The following NTAN1 variants were observed in gnomAD, a reference collection of about 807,000 sequenced individuals.
The protein encoded by NTAN1 is N-terminal asparagine amidase, also known as protein N-terminal asparagine amidohydrolase.
A neutral mutation model predicts 41.9 loss-of-function variants in NTAN1; 32 were observed. The ratio of observed to expected loss-of-function variants is 0.76; its 90% CI spans 0.58 to 1.03. NTAN1 has a LOEUF of 1.03. Among genes scored for constraint, NTAN1 ranks in the 50% least tolerant of loss-of-function variants. The pLI is 0.00. For synonymous variants in NTAN1, 140 were observed against 139.5 expected, an observed-to-expected ratio of 1.00 and a Z score of -0.03; for missense variants, 377 against 377.5, an observed-to-expected ratio of 1.00 and a Z score of 0.01.
chr16:15,055,140 C>A (rs1365769490), intron 1 of NTAN1, among the ~76,000 whole-genome samples: 1 of 152,154 alleles, frequency 6.6e-6, no homozygotes, highest in Non-Finnish European at 1.5e-5. Context: ...TCCCCTTTAA[C>A]AGGATCTATG....
intron 1 of NTAN1, among the ~76,000 whole-genome samples, chr16:15,049,414 T>G (rs1004540417): frequency 3.3e-5 from 5 of 151,420 alleles, no homozygotes; most frequent in African/African-American, 1.2e-4. Flanking sequence ...TGTTCATCCC[T>G]GTGTTATTTC....
intron 1 of NTAN1, among the ~76,000 whole-genome samples, chr16:15,050,321 C>G (rs1490840680): frequency 6.6e-6 from 1 of 152,194 alleles, no homozygotes; most frequent in Admixed American, 6.5e-5. Context: ...CCTCAAATGT[C>G]TAGACAACGT....
chr16:15,045,895 T>C (rs2044040408), intron 4 of NTAN1: 2 of 152,178 alleles, frequency 1.3e-5, no homozygotes, highest in Admixed American at 1.3e-4. Flanking sequence ...GTACCCAACA[T>C]AGGGCACAGC....
At chr16:15,044,750 G>A (rs1441922380) in intron 4 of NTAN1, 1 of 262,402 alleles carries the variant, frequency 3.8e-6, no homozygotes, top group Non-Finnish European at 7.3e-6. Flanking sequence ...TTGGGAGGCT[G>A]AGGTGGGCGG....
At chr16:15,042,190 T>C (rs2043847186) in intron 5 of NTAN1, among the ~76,000 whole-genome samples, 2 of 149,760 alleles carry the variant, frequency 1.3e-5, no homozygotes, top group Admixed American at 1.3e-4. Flanking sequence ...TATATCTTTT[T>C]TTTTTTTTTT....
At chr16:15,055,349 G>A (rs547876285) in intron 1 of NTAN1, among the ~76,000 whole-genome samples, 2 of 152,166 alleles carry the variant, frequency 1.3e-5, no homozygotes, top group East Asian at 1.9e-4. Flanking sequence ...TCTCTCTCCC[G>A]GCTAAAAATA....
At chr16:15,047,684 C>A in intron 3 of NTAN1, 134 bp from the exon 4 acceptor site, 2 of 895,496 alleles carry the variant, frequency 2.2e-6, no homozygotes, top group South Asian at 1.4e-5. Flanking sequence ...GGTCTGTGCT[C>A]CCCAGCCAAC....
chr16:15,046,385 AG>A (rs1475406399), intron 4 of NTAN1, among the ~76,000 whole-genome samples: 1 of 152,170 alleles, frequency 6.6e-6, no homozygotes, highest in Non-Finnish European at 1.5e-5. Context: ...GAGCAAGGAG[AG>A]GGGACAGGTG....
Position 15,055,390 on chromosome 16 carries a change from A to G in NTAN1, c.81+501T>C, listed in dbSNP as rs369324519. Among the ~76,000 whole-genome samples the G allele has an allele frequency of 2.5e-4, 38 of 152,210 alleles. No homozygotes were observed. In the East Asian group the frequency reaches 6.0e-3, roughly 24 times the overall value. ...GCGCCCTACGCCCCGGGGGTAGGGGAGAGAGAGGAGGAAGGACTGGGGGTC... is the reference window on the plus strand; with the variant it reads ...GCGCCCTACGCCCCGGGGGTAGGGGGGAGAGAGGAGGAAGGACTGGGGGTC... On this transcript the variant is annotated intron_variant, in intron 1 of 9. Coordinates refer to ENST00000287706, the MANE Select transcript of NTAN1 (RefSeq NM_173474.4).
chr16:15,044,277 A>C, intron 5 of NTAN1, 57 bp downstream of exon 5: 1 of 1,226,174 alleles, frequency 8.2e-7, no homozygotes, highest in Non-Finnish European at 1.2e-6. Context: ...TAACCCAAGC[A>C]AATATGGGTA....
At chr16:15,044,503 T>G in intron 4 of NTAN1, 96 bp from the exon 5 acceptor site, 2 of 822,856 alleles carry the variant, frequency 2.4e-6, no homozygotes, top group Admixed American at 3.7e-5. Flanking sequence ...CCATGAACAC[T>G]TGCTCTACAG....
Position 15,056,012 on chromosome 16 carries a change from C to A in NTAN1, c.-41G>T, listed in dbSNP as rs889542588. ...CCAGGCAGGCCCAGGGAGGCGGCGG[C>A]CCCCCGCTTTGCAGCCCCGGGCCGC... On this transcript the variant is annotated 5_prime_UTR_variant, in exon 1 of 10. Coordinates refer to ENST00000287706, the MANE Select transcript of NTAN1 (RefSeq NM_173474.4). 12 of 1,102,008 alleles carry A rather than the reference C, an allele frequency of 1.1e-5. No homozygotes were observed. The East Asian group carries it at 3.8e-4, about 35-fold the overall frequency. 68.3% of individuals were successfully genotyped at this position (1,102,008 alleles called of 1,614,324 possible).
At chr16:15,042,805 T>C (rs2043880518) in intron 5 of NTAN1, among the ~76,000 whole-genome samples, 1 of 152,010 alleles carries the variant, frequency 6.6e-6, no homozygotes. Flanking sequence ...TGATCTCAGC[T>C]CACTGCAACC....
intron 5 of NTAN1, among the ~76,000 whole-genome samples, chr16:15,043,322 C>T (rs1567759417): frequency 6.6e-6 from 1 of 152,224 alleles, no homozygotes; most frequent in Non-Finnish European, 1.5e-5. Flanking sequence ...AGGCATGAGC[C>T]ACCGTGCCCG....
intron 4 of NTAN1, chr16:15,044,937 A>G (rs1166067718): frequency 6.5e-6 from 1 of 152,768 alleles, no homozygotes; most frequent in East Asian, 1.9e-4. Flanking sequence ...CCTGGGCAAC[A>G]AGGTAAAACT....
At chr16:15,043,368 A>G (rs947893648) in intron 5 of NTAN1, among the ~76,000 whole-genome samples, 2 of 152,206 alleles carry the variant, frequency 1.3e-5, no homozygotes, top group Non-Finnish European at 2.9e-5. Flanking sequence ...TTATGGCGAG[A>G]CCCTGTCTCC....
At chr16:15,040,830 T>C (rs549302539) in intron 7 of NTAN1, among the ~76,000 whole-genome samples, 1 of 152,280 alleles carries the variant, frequency 6.6e-6, no homozygotes, top group African/African-American at 2.4e-5. Flanking sequence ...GTCCTTTCTA[T>C]TTGCTACCAC....
chr16:15,044,285 G>A, intron 5 of NTAN1, 49 bp downstream of exon 5: 1 of 1,264,792 alleles, frequency 7.9e-7, no homozygotes, highest in Non-Finnish European at 1.2e-6. Context: ...GCAAATATGG[G>A]TACATATTTA....
At chr16:15,043,507 A>C (rs1407424809) in intron 5 of NTAN1, among the ~76,000 whole-genome samples, 1 of 152,222 alleles carries the variant, frequency 6.6e-6, no homozygotes, top group African/African-American at 2.4e-5. Flanking sequence ...GCGCCACTGC[A>C]CTACAGCCTG....
Sources: allele counts gnomAD v4.1 joint callset (sites outside exome capture counted in the v4.1 genomes callset), GRCh38; gene constraint gnomAD v4.1.1; transcripts MANE v1.5; gene names NCBI Gene and HGNC (gene_info 2026-07-23, HGNC 2026-07-21).